Variants in CRTC1 observed in about 807,000 individuals in gnomAD.
CRTC1 encodes CREB-regulated transcription coactivator 1.
A neutral mutation model predicts 66.1 loss-of-function variants in CRTC1; 18 were observed. The ratio of observed to expected loss-of-function variants is 0.27; its 90% CI spans 0.19 to 0.40. The LOEUF is 0.40. Among genes scored for constraint, CRTC1 ranks in the 10% least tolerant of loss-of-function variants. CRTC1 has a pLI of 1.00. For synonymous variants in CRTC1, 416 were observed against 398.8 expected (o/e 1.04, Z -0.51); for missense variants, 669 against 887.9 (o/e 0.75, Z 3.13).
At chr19:18,688,134 G>C (rs1347571341) in intron 1 of CRTC1, among the ~76,000 whole-genome samples, 1 of 152,138 alleles carries the variant, frequency 6.6e-6, no homozygotes, top group African/African-American at 2.4e-5. Context: ...ATAGTTTTAG[G>C]GGGGACAGGA....
chr19:18,697,843 G>C (rs2053030118), intron 1 of CRTC1, among the ~76,000 whole-genome samples: 1 of 152,268 alleles, frequency 6.6e-6, no homozygotes, highest in African/African-American at 2.4e-5. Flanking sequence ...GCATCCAACA[G>C]GTGCTTGATG....
intron 9 of CRTC1, 115 bp downstream of exon 9, chr19:18,765,643 C>A: frequency 1.0e-6 from 1 of 983,180 alleles, no homozygotes; most frequent in Non-Finnish European, 1.4e-6. Flanking sequence ...CTTGAGAATG[C>A]TCCCAACACT....
At chr19:18,775,871 C>T (rs755008655) in intron 13 of CRTC1, 50 bp downstream of exon 13, 6 of 1,502,326 alleles carry the variant, frequency 4.0e-6, no homozygotes, top group African/African-American at 2.8e-5. Flanking sequence ...GGCCTCAGCC[C>T]GTGCGGAGAC....
chr19:18,773,992 C>T (rs2054927965), intron 11 of CRTC1, among the ~76,000 whole-genome samples: 1 of 152,214 alleles, frequency 6.6e-6, no homozygotes, highest in South Asian at 2.1e-4. Flanking sequence ...TGGAGACATT[C>T]ACCTGGACGC....
At chr19:18,697,256 G>T (rs2053013728) in intron 1 of CRTC1, among the ~76,000 whole-genome samples, 1 of 152,078 alleles carries the variant, frequency 6.6e-6, no homozygotes, top group Admixed American at 6.6e-5. Context: ...TTGGCACCGG[G>T]GGGAGCAGCC....
At chr19:18,722,900 C>T (rs946079546) in intron 1 of CRTC1, among the ~76,000 whole-genome samples, 11 of 151,922 alleles carry the variant, frequency 7.2e-5, no homozygotes, top group African/African-American at 1.5e-4. Flanking sequence ...CACTCAGCAT[C>T]GTGTTTTCGA....
chr19:18,735,315 T>G (rs1255622799), intron 1 of CRTC1, among the ~76,000 whole-genome samples: 2 of 152,184 alleles, frequency 1.3e-5, no homozygotes, highest in African/African-American at 2.4e-5. Flanking sequence ...GCATTGGGGA[T>G]GCCATCCCTG....
At chr19:18,747,011 C>CG in intron 3 of CRTC1, 42 bp from the exon 4 acceptor site, 1 of 1,585,976 alleles carries the variant, frequency 6.3e-7, no homozygotes, top group Non-Finnish European at 8.6e-7. Flanking sequence ...TTGTTGGAGG[C>CG]GGGGTCTCAG....
At position 18,734,967 on chromosome 19, in the gene CRTC1, G is replaced by A. The variant is rs2053966791; in HGVS notation, c.127-7943G>A. 3.3e-5 allele frequency among the ~76,000 whole-genome samples: 5 copies of A among 152,208 alleles called. No individual in the cohort carries two copies. In the South Asian group the frequency reaches 1.0e-3, roughly 32 times the overall value. On this transcript the variant is annotated intron_variant, in intron 1 of 13. Coordinates refer to ENST00000321949, the MANE Select transcript of CRTC1 (RefSeq NM_015321.3). ...GGCCTCTGGGAGAATGAATCGGTCA[G>A]GGGATGCTGGGCATGCATCCCTTAC...
Position 18,742,976 on chromosome 19 carries a change from C to T in CRTC1, c.193C>T (p.Leu65=), listed in dbSNP as rs750264099. 6.2e-7 allele frequency: 1 copy of T among 1,613,272 alleles called. No homozygotes were observed. The highest frequency in any genetic ancestry group is 1.7e-5 in the Admixed American group (1 of 59,978). ...PSRGQYYGGS[L]PNVNQIGSGT... is the part of the protein sequence containing the mutation. Reference sequence around the variant, plus strand: ...CCGAGGCCAGTACTATGGCGGGTCCCTGCCCAACGTGAACCAGATCGGGAG... The same window carrying T: ...CCGAGGCCAGTACTATGGCGGGTCCTTGCCCAACGTGAACCAGATCGGGAG... Residue 65 remains leucine (L), a synonymous_variant, in exon 2 of 14, where the codon CTG becomes TTG. Coordinates refer to ENST00000321949, the MANE Select transcript of CRTC1 (RefSeq NM_015321.3).
At chr19:18,726,329 A>G (rs2145652948) in intron 1 of CRTC1, among the ~76,000 whole-genome samples, 1 of 152,356 alleles carries the variant, frequency 6.6e-6, no homozygotes, top group South Asian at 2.1e-4. Flanking sequence ...CCCGGGGGAC[A>G]GCAGAGGAGG....
rs774846546 is a variant in CRTC1, at chr19:18,771,408, G to A, written c.1321-34G>A. ...GACTGGAGCCCGGGCTTGGGCAGCT[G>A]GGCTGCGGCGTGCTGATCTGTCTGT... On this transcript the variant is annotated intron_variant, in intron 10 of 13. Coordinates refer to ENST00000321949, the MANE Select transcript of CRTC1 (RefSeq NM_015321.3). The surrounding 1 kb of genome is among the most constrained non-coding windows in gnomAD (Gnocchi z 4.6). 3.2e-6 allele frequency: 5 copies of A among 1,573,100 alleles called. No homozygotes were observed. The highest frequency in any genetic ancestry group is 4.7e-5 in the East Asian group (2 of 42,338).
rs1445756966 is a variant in CRTC1, at chr19:18,683,827, G to A, written c.125G>A (p.Arg42Gln). ...GACCTGAGCCTGACGCGGGCCGCGC[G>A]GGTAAGGGGGCTGCCCGCGCCGACC... The part of the protein sequence containing the change: ...MKDLSLTRAA[R>Q]LQLQKSQYLQ... Residue 42 changes from arginine to glutamine, a missense_variant and splice_region_variant, in exon 1 of 14, where the codon CGG (arginine) becomes CAG (glutamine). Physicochemically the swap from Arg to Gln is conservative, Grantham distance 43. Coordinates refer to ENST00000321949, the MANE Select transcript of CRTC1 (RefSeq NM_015321.3). The A allele has an allele frequency of 1.6e-6, 2 of 1,280,792 alleles. No homozygotes were observed. Among genetic ancestry groups the A allele is most frequent in the East Asian group, 4.4e-5 (1 of 22,734 alleles). The allele number at this position is 1,280,792 out of a possible 1,614,324, so 79.3% of individuals were successfully genotyped here.
At chr19:18,689,353 G>A (rs1456077876) in intron 1 of CRTC1, among the ~76,000 whole-genome samples, 1 of 150,126 alleles carries the variant, frequency 6.7e-6, no homozygotes, top group Non-Finnish European at 1.5e-5. Flanking sequence ...TTTTGTGTCT[G>A]CCTTCTTTTA....
intron 1 of CRTC1, among the ~76,000 whole-genome samples, chr19:18,694,306 A>C (rs1426525037): frequency 1.3e-5 from 2 of 151,260 alleles, no homozygotes; most frequent in Admixed American, 6.6e-5. Flanking sequence ...CTCAAAAAAA[A>C]AAAAAAAAAA....
chr19:18,777,176 G>A lies in CRTC1; in HGVS notation c.1699G>A (p.Gly567Arg). The stretch of plus-strand genomic sequence containing the variant: ...GTCCCCACCCCATCCCCCAGTGACA[G>A]GAGAGTCCCCCCCCAGCCTCTCTAA... ...GIPNIILTVT[G>R]ESPPSLSKEL... Residue 567 changes from glycine (G) to arginine (R), a missense_variant, in exon 14 of 14, where the codon GGA (glycine) becomes AGA (arginine). This residue lies in a region of CRTC1 where 91 missense variants were observed against 99.1 expected (regional missense o/e 0.92). Coordinates refer to ENST00000321949, the MANE Select transcript of CRTC1 (RefSeq NM_015321.3). The surrounding 1 kb of genome is among the most constrained non-coding windows in gnomAD (Gnocchi z 5.5). 3 of 1,556,242 alleles carry A rather than the reference G, an allele frequency of 1.9e-6. No homozygotes were observed. Among genetic ancestry groups the A allele is most frequent in the Non-Finnish European group, 2.6e-6 (3 of 1,135,898 alleles).
At chr19:18,730,654 C>T (rs897541554) in intron 1 of CRTC1, among the ~76,000 whole-genome samples, 11 of 152,112 alleles carry the variant, frequency 7.2e-5, no homozygotes, top group African/African-American at 2.2e-4. Flanking sequence ...TCCTGCTGCC[C>T]GACCCGCTGC....
rs1287118394 is a variant in CRTC1, at chr19:18,701,372, T to C, written c.126+17544T>C. 2.0e-5 allele frequency among the ~76,000 whole-genome samples: 3 copies of C among 152,356 alleles called. No homozygotes were observed. In the East Asian group the frequency reaches 5.8e-4, roughly 29 times the overall value. On this transcript the variant is annotated intron_variant, in intron 1 of 13. Coordinates refer to ENST00000321949, the MANE Select transcript of CRTC1 (RefSeq NM_015321.3). Reference sequence around the variant, plus strand: ...GATTAGATGATGCATCCACGCAAAGTGTCTGGCCCCGTGCCCGGCCCGTGG... The same window carrying C: ...GATTAGATGATGCATCCACGCAAAGCGTCTGGCCCCGTGCCCGGCCCGTGG...
intron 1 of CRTC1, among the ~76,000 whole-genome samples, chr19:18,716,919 G>A (rs1047528749): frequency 1.3e-5 from 2 of 152,164 alleles, no homozygotes; most frequent in Non-Finnish European, 2.9e-5. Flanking sequence ...ACAGGTTTGG[G>A]CAGTTGTGAA....
Sources: allele counts gnomAD v4.1 joint callset (sites outside exome capture counted in the v4.1 genomes callset), GRCh38; gene constraint gnomAD v4.1.1; regional missense constraint gnomAD v4.1.1; non-coding constraint Gnocchi (gnomAD v3.1); transcripts MANE v1.5; gene names NCBI Gene and HGNC (gene_info 2026-07-23, HGNC 2026-07-21).